Variants in PCSK6 observed in about 807,000 individuals in gnomAD.
PCSK6 encodes proprotein convertase subtilisin/kexin type 6, also known as paired basic amino acid cleaving enzyme 4.
Under a neutral mutation model 123.3 loss-of-function variants are expected in PCSK6, and 85 were observed. The observed-to-expected ratio is 0.69, with a 90% CI of 0.58 to 0.83. The LOEUF (loss-of-function observed/expected upper bound fraction) is 0.83, where lower values mean the gene tolerates loss of function less well. Ranked by LOEUF, PCSK6 falls within the 40% of genes least tolerant of loss-of-function variation. The pLI, the probability that PCSK6 is intolerant of heterozygous loss-of-function variation, is 0.00. For synonymous variants in PCSK6, 508 were observed against 516.0 expected, an observed-to-expected ratio of 0.98 and a Z score of 0.21; for missense variants, 1,191 against 1,282.3, an observed-to-expected ratio of 0.93 and a Z score of 1.09.
At chr15:101,346,851 C>T in intron 13 of PCSK6, 1 of 1,231,660 alleles carries the variant, frequency 8.1e-7, no homozygotes, top group Non-Finnish European at 1.0e-6. Context: ...TACTGTGATT[C>T]ATAAATGTGC....
chr15:101,307,410 C>T lies in PCSK6; in HGVS notation c.2700-85G>A, dbSNP rs117972449. On this transcript the variant is annotated intron_variant, in intron 20 of 21. Transcript: ENST00000611716. The stretch of plus-strand genomic sequence containing the variant: ...CCTTCCCAGAACCCTCACCTCCCTG[C>T]ACCTCCTTCCCACCCCCTCAGCCTC... 8.7e-3 allele frequency: 7,844 copies of T among 905,794 alleles called. 59 individuals are homozygous for T. The highest frequency in any genetic ancestry group is 0.012 in the Non-Finnish European group (6,651 of 571,934). 56.1% of individuals were successfully genotyped at this position (905,794 alleles called of 1,614,324 possible).
intron 7 of PCSK6, among the ~76,000 whole-genome samples, chr15:101,395,920 G>C (rs974431033): frequency 6.6e-6 from 1 of 152,136 alleles, no homozygotes; most frequent in Non-Finnish European, 1.5e-5. Flanking sequence ...ACAGATCTTT[G>C]TGCCAAGTTA....
At chr15:101,418,102 T>C (rs1026345089) in intron 6 of PCSK6, among the ~76,000 whole-genome samples, 17 of 152,166 alleles carry the variant, frequency 1.1e-4, no homozygotes, top group Non-Finnish European at 1.9e-4. Context: ...ATGTCATATA[T>C]TTGAAAATCT....
chr15:101,332,128 C>G, intron 13 of PCSK6, 97 bp from the exon 14 acceptor site: 1 of 1,162,912 alleles, frequency 8.6e-7, no homozygotes, highest in Non-Finnish European at 1.2e-6. Flanking sequence ...CCCCTGATAG[C>G]TGGGCTCTGG....
rs117855900 is a variant in PCSK6, at chr15:101,434,618, G to C, written c.403-2518C>G. 1.2e-3 allele frequency among the ~76,000 whole-genome samples: 176 copies of C among 152,340 alleles called. 5 individuals carry two copies. In the East Asian group the frequency reaches 0.031, roughly 26 times the overall value. Reference sequence around the variant, plus strand: ...CACAGTTTGGGGCTCTCTCTCTGTCGTGGTCGCAGGGGCAGCCCTCTCTCT... The same window carrying C: ...CACAGTTTGGGGCTCTCTCTCTGTCCTGGTCGCAGGGGCAGCCCTCTCTCT... On this transcript the variant is annotated intron_variant, in intron 2 of 21. Transcript: ENST00000611716.
intron 5 of PCSK6, among the ~76,000 whole-genome samples, chr15:101,429,268 G>A (rs910561549): frequency 1.3e-5 from 2 of 152,144 alleles, no homozygotes; most frequent in Non-Finnish European, 2.9e-5. Flanking sequence ...TCCCAGGACT[G>A]ACCCCAGGGC....
chr15:101,426,724 A>G (rs1367469535), intron 6 of PCSK6, among the ~76,000 whole-genome samples: 2 of 151,226 alleles, frequency 1.3e-5, no homozygotes, highest in Non-Finnish European at 2.9e-5. Flanking sequence ...GGTACTGCTC[A>G]TAAGTGGAGC....
intron 6 of PCSK6, among the ~76,000 whole-genome samples, chr15:101,403,746 G>A (rs1025253077): frequency 1.3e-5 from 2 of 151,988 alleles, no homozygotes; most frequent in East Asian, 1.9e-4. Context: ...TTGAGATGGC[G>A]TCTCGCTCTG....
At chr15:101,360,177 C>T (rs979557315) in intron 13 of PCSK6, among the ~76,000 whole-genome samples, 20 of 152,154 alleles carry the variant, frequency 1.3e-4, no homozygotes, top group South Asian at 2.1e-4. Context: ...GCTGCCCCGT[C>T]GGAGTCACCT....
chr15:101,475,405 A>G lies in PCSK6; in HGVS notation c.297+13969T>C, dbSNP rs2057707179. Among the ~76,000 whole-genome samples the G allele has an allele frequency of 2.0e-5, 3 of 152,378 alleles. No individual in the cohort carries two copies. In the South Asian group the frequency reaches 6.2e-4, roughly 32 times the overall value. On this transcript the variant is annotated intron_variant, in intron 1 of 21. Coordinates refer to ENST00000611716, the MANE Select transcript of PCSK6 (RefSeq NM_002570.5). ...CAATCATTAAAAGACAAACAGCCCC[A>G]CTGAAAAAATGGGCAAAGAATATAA... is the stretch of plus-strand genomic sequence containing the variant.
At chr15:101,384,666 C>G (rs1425918284) in intron 9 of PCSK6, among the ~76,000 whole-genome samples, 3 of 152,200 alleles carry the variant, frequency 2.0e-5, no homozygotes, top group African/African-American at 7.2e-5. Flanking sequence ...AGCATTAAAG[C>G]CTAGCCTTGC....
rs750750999 is a variant in PCSK6, at chr15:101,462,961, C to T, written c.298-19301G>A. 3.3e-5 allele frequency: 15 copies of T among 453,326 alleles called. No homozygotes were observed. The Admixed American group carries it at 3.5e-4, about 11-fold the overall frequency. The allele number at this position is 453,326 out of a possible 1,614,324, so 28.1% of individuals were successfully genotyped here. Reference sequence around the variant, plus strand: ...TGCAAGGCAGCAGCCCCAGGAGCAGCCTGGGAAGGCTTTGTGCAGAGGAGG... The same window carrying T: ...TGCAAGGCAGCAGCCCCAGGAGCAGTCTGGGAAGGCTTTGTGCAGAGGAGG... On this transcript the variant is annotated intron_variant, in intron 1 of 21. Coordinates refer to ENST00000611716, the MANE Select transcript of PCSK6 (RefSeq NM_002570.5).
chr15:101,416,047 C>A (rs1434631867), intron 6 of PCSK6, among the ~76,000 whole-genome samples: 1 of 152,214 alleles, frequency 6.6e-6, no homozygotes, highest in East Asian at 1.9e-4. Flanking sequence ...AACTTTGGAA[C>A]TGGGTAACAG....
chr15:101,452,873 T>G (rs1024100842), intron 1 of PCSK6, among the ~76,000 whole-genome samples: 1 of 152,310 alleles, frequency 6.6e-6, no homozygotes, highest in South Asian at 2.1e-4. Context: ...TCCTTGTTTA[T>G]GCAAAGGACA....
At chr15:101,325,319 G>A (rs1373399308) in intron 16 of PCSK6, among the ~76,000 whole-genome samples, 2 of 152,198 alleles carry the variant, frequency 1.3e-5, no homozygotes, top group South Asian at 2.1e-4. Flanking sequence ...CGTGAGGTTC[G>A]TATTTGACTT....
intron 11 of PCSK6, among the ~76,000 whole-genome samples, chr15:101,373,781 A>G (rs142671177): frequency 6.6e-6 from 1 of 152,334 alleles, no homozygotes; most frequent in East Asian, 1.9e-4. Flanking sequence ...GTTATTTCTA[A>G]GGTAACGCTG....
intron 18 of PCSK6, among the ~76,000 whole-genome samples, chr15:101,321,056 G>T (rs778498933): frequency 2.0e-5 from 3 of 152,162 alleles, no homozygotes; most frequent in Non-Finnish European, 4.4e-5. Context: ...CAGGTTCCAG[G>T]GAGCTGGGAA....
chr15:101,397,360 T>C (rs1165137821), intron 7 of PCSK6, among the ~76,000 whole-genome samples: 1 of 152,158 alleles, frequency 6.6e-6, no homozygotes, highest in Non-Finnish European at 1.5e-5. Context: ...GTATAATCTC[T>C]TCCTACTATC....
chr15:101,405,474 T>C (rs1453091685), intron 6 of PCSK6, among the ~76,000 whole-genome samples: 1 of 152,172 alleles, frequency 6.6e-6, no homozygotes, highest in African/African-American at 2.4e-5. Flanking sequence ...CCTTTGTGTT[T>C]GAGGGAAGAA....
Sources: gnomAD v4.1 joint callset for allele counts (sites outside exome capture counted in the v4.1 genomes callset) on GRCh38, gnomAD v4.1.1 for gene constraint, MANE v1.5 for transcripts, NCBI Gene and HGNC (gene_info 2026-07-23, HGNC 2026-07-21) for gene names.